The following RGS20 variants were observed in gnomAD, a reference collection of about 807,000 sequenced individuals.
RGS20 encodes the protein gz-selective GTPase-activating protein.
Under a neutral mutation model 33.6 loss-of-function variants are expected in RGS20, and 30 were observed. The ratio of observed to expected loss-of-function variants is 0.89; its 90% CI spans 0.67 to 1.21. The LOEUF (loss-of-function observed/expected upper bound fraction) is 1.21. RGS20 is among the 50% of genes most tolerant of loss of function. The pLI, the probability that RGS20 is intolerant of heterozygous loss-of-function variation, is 0.00. For missense variants in RGS20, 472 were observed against 502.4 expected (o/e 0.94, Z 0.58); for synonymous variants, 208 against 197.9 (o/e 1.05, Z -0.43).
intron 2 of RGS20, among the ~76,000 whole-genome samples, chr8:53,903,124 T>A (rs1356048650): frequency 6.6e-6 from 1 of 152,226 alleles, no homozygotes; most frequent in Non-Finnish European, 1.5e-5. Flanking sequence ...AATGGACAGG[T>A]TAATTTATTA....
At chr8:53,873,841 C>A (rs937201269) in intron 1 of RGS20, among the ~76,000 whole-genome samples, 24 of 152,200 alleles carry the variant, frequency 1.6e-4, no homozygotes, top group African/African-American at 5.8e-4. Flanking sequence ...GAATCATTCA[C>A]GTAGTTCCTT....
chr8:53,853,579 G>A (rs978594673), intron 1 of RGS20, among the ~76,000 whole-genome samples: 1 of 152,126 alleles, frequency 6.6e-6, no homozygotes, highest in African/African-American at 2.4e-5. Context: ...TATTGCATTT[G>A]AATACAGAAA....
intron 1 of RGS20, among the ~76,000 whole-genome samples, chr8:53,863,512 C>CT (rs1229330181): frequency 4.6e-5 from 7 of 152,130 alleles, no homozygotes; most frequent in African/African-American, 1.4e-4. Context: ...ACCAGTGCGA[C>CT]TTGAGGCTCA....
At chr8:53,873,985 G>GA (rs1166351255) in intron 1 of RGS20, among the ~76,000 whole-genome samples, 1 of 152,072 alleles carries the variant, frequency 6.6e-6, no homozygotes, top group African/African-American at 2.4e-5. Context: ...GATCACTTGA[G>GA]AACAGGAGTT....
At chr8:53,880,776 CT>C (rs1812341100) in intron 2 of RGS20, 95 bp from the exon 1 acceptor site, 1 of 1,178,020 alleles carries the variant, frequency 8.5e-7, no homozygotes, top group Non-Finnish European at 1.1e-6. Flanking sequence ...GGGGGTACCC[CT>C]AGCACCCGCG....
At chr8:53,882,243 C>G (rs1025834084) in intron 2 of RGS20, among the ~76,000 whole-genome samples, 2 of 152,120 alleles carry the variant, frequency 1.3e-5, no homozygotes, top group Non-Finnish European at 2.9e-5. Flanking sequence ...CTATAGGCGC[C>G]GCGACCTACC....
intron 3 of RGS20, among the ~76,000 whole-genome samples, chr8:53,941,269 G>C (rs1360444265): frequency 2.0e-5 from 3 of 152,204 alleles, no homozygotes; most frequent in African/African-American, 7.2e-5. Flanking sequence ...GTGTGTAGAA[G>C]AGACAATAGA....
intron 3 of RGS20, among the ~76,000 whole-genome samples, chr8:53,940,723 C>T (rs1278859531): frequency 6.6e-6 from 1 of 152,238 alleles, no homozygotes; most frequent in African/African-American, 2.4e-5. Flanking sequence ...CCGATGGTCT[C>T]TTCATTCCCA....
At position 53,854,427 on chromosome 8, in the gene RGS20, A is replaced by G. The variant is rs186237833; in HGVS notation, c.165+2363A>G. On this transcript the variant is annotated intron_variant, in intron 1 of 5. Coordinates refer to ENST00000297313, the MANE Select transcript of RGS20 (RefSeq NM_170587.4). ...ATATGGGCAAAAGACATGAACAGCC[A>G]TTTTACTGAAGAGAATATGCAGATG... 1.1e-3 allele frequency among the ~76,000 whole-genome samples: 172 copies of G among 152,342 alleles called. 1 individual carries two copies. Among genetic ancestry groups the G allele is most frequent in the Non-Finnish European group, 3.7e-4 (25 of 68,032 alleles).
At chr8:53,924,045 T>G (rs2129287202) in intron 2 of RGS20, among the ~76,000 whole-genome samples, 1 of 152,082 alleles carries the variant, frequency 6.6e-6, no homozygotes, top group East Asian at 1.9e-4. Flanking sequence ...TTTGAGAGTG[T>G]CTTGCTGTGT....
chr8:53,927,648 T>A (rs1034068316), intron 2 of RGS20, among the ~76,000 whole-genome samples: 1 of 152,068 alleles, frequency 6.6e-6, no homozygotes, highest in Admixed American at 6.6e-5. Context: ...TACATGGTCA[T>A]CCCAAAGGAC....
rs187848307 is a variant in RGS20, at chr8:53,857,974, A to G, written c.165+5910A>G. Among the ~76,000 whole-genome samples, 1,394 of 152,346 alleles carry G rather than the reference A, an allele frequency of 9.2e-3. 11 individuals are homozygous for G. The highest frequency in any genetic ancestry group is 0.044 in the Middle Eastern group (13 of 294). Reference sequence around the variant, plus strand: ...CTACCATGTATACAAATATTAAAACATCACATTGTACCCCATAAATATATG... The same window carrying G: ...CTACCATGTATACAAATATTAAAACGTCACATTGTACCCCATAAATATATG... On this transcript the variant is annotated intron_variant, in intron 1 of 5. Transcript: ENST00000297313.
intron 2 of RGS20, among the ~76,000 whole-genome samples, chr8:53,917,060 A>G (rs1399099504): frequency 1.3e-5 from 2 of 152,198 alleles, no homozygotes; most frequent in African/African-American, 2.4e-5. Context: ...ATAAACATTC[A>G]GTCTGTAGCA....
intron 2 of RGS20, among the ~76,000 whole-genome samples, chr8:53,887,988 A>AG (rs1812597107): frequency 6.6e-6 from 1 of 152,098 alleles, no homozygotes; most frequent in African/African-American, 2.4e-5. Flanking sequence ...TAAAAAAAAA[A>AG]AAGGTATATG....
In RGS20 at chr8:53,934,547, C is replaced by G. The variant is rs373140093; in HGVS notation, c.511-5029C>G. ...CATAATGGTAAAGGGATCAACACAA[C>G]AAGAAGAGATAACTATCCTAAACAT... On this transcript the variant is annotated intron_variant, in intron 2 of 5. Transcript: ENST00000297313. Among the ~76,000 whole-genome samples the G allele has an allele frequency of 2.0e-5, 3 of 152,216 alleles. No individual in the cohort carries two copies. In the South Asian group the frequency reaches 6.2e-4, roughly 32 times the overall value.
At chr8:53,855,118 G>A (rs892634278) in intron 1 of RGS20, among the ~76,000 whole-genome samples, 3 of 151,962 alleles carry the variant, frequency 2.0e-5, no homozygotes, top group Non-Finnish European at 4.4e-5. Context: ...AGGCTGGAGT[G>A]CAGTGGGGCA....
chr8:53,919,518 AT>A (rs1275676603), intron 2 of RGS20, among the ~76,000 whole-genome samples: 3 of 146,264 alleles, frequency 2.1e-5, no homozygotes, highest in Non-Finnish European at 3.0e-5. Flanking sequence ...ATTTTTGTAT[AT>A]TTTTTTTGTA....
chr8:53,948,474 T>C (rs1814607091), intron 4 of RGS20, among the ~76,000 whole-genome samples: 2 of 137,352 alleles, frequency 1.5e-5, no homozygotes, highest in African/African-American at 5.4e-5. Flanking sequence ...ACAGTATATA[T>C]TTACATATGC....
At chr8:53,955,675 C>G (rs1814845823) in intron 5 of RGS20, among the ~76,000 whole-genome samples, 1 of 151,948 alleles carries the variant, frequency 6.6e-6, no homozygotes, top group Non-Finnish European at 1.5e-5. Flanking sequence ...ACTAAAAATA[C>G]AAAAAATTAG....
Sources: allele counts gnomAD v4.1 joint callset (sites outside exome capture counted in the v4.1 genomes callset), GRCh38; gene constraint gnomAD v4.1.1; transcripts MANE v1.5; gene names NCBI Gene and HGNC (gene_info 2026-07-23, HGNC 2026-07-21).